FAM117A: variants seen among roughly 807,000 people sequenced by gnomAD.
FAM117A encodes protein FAM117A.
Under a neutral mutation model 44.1 loss-of-function variants are expected in FAM117A, and 21 were observed. That is an observed-to-expected ratio of 0.48 (90% CI 0.34 to 0.69). The LOEUF (loss-of-function observed/expected upper bound fraction) is 0.69. Ranked by LOEUF, FAM117A falls within the 30% of genes least tolerant of loss-of-function variation. The pLI is 0.01. For synonymous variants in FAM117A, 220 were observed against 238.3 expected (o/e 0.92, Z 0.71); for missense variants, 498 against 589.9 (o/e 0.84, Z 1.61).
chr17:49,764,349 A>T (rs1442385448), upstream of FAM117A, among the ~76,000 whole-genome samples: 1 of 152,112 alleles, frequency 6.6e-6, no homozygotes, highest in Non-Finnish European at 1.5e-5. Context: ...CCAACATCCC[A>T]GGGGCTGCTG....
chr17:49,743,736 T>TA (rs989857088), intron 1 of FAM117A, among the ~76,000 whole-genome samples: 26 of 148,592 alleles, frequency 1.7e-4, no homozygotes, highest in Non-Finnish European at 2.4e-4. Context: ...CTCAAAAAAA[T>TA]AAAAAAATAA....
At chr17:49,774,630 T>C (rs992506163) in intron 1 of FAM117A, among the ~76,000 whole-genome samples, 4 of 152,222 alleles carry the variant, frequency 2.6e-5, no homozygotes, top group Non-Finnish European at 5.9e-5. Context: ...AGTGCTGGGA[T>C]TACAGGCGTG....
In FAM117A at chr17:49,763,973, C is replaced by A; in HGVS notation, c.115G>T (p.Ala39Ser). The A allele has an allele frequency of 2.4e-6, 3 of 1,229,694 alleles. No individual in the cohort carries two copies. Among genetic ancestry groups the A allele is most frequent in the Non-Finnish European group, 3.0e-6 (3 of 986,702 alleles). The allele number at this position is 1,229,694 out of a possible 1,614,324, so 76.2% of individuals were successfully genotyped here. Residue 39 changes from alanine to serine, a missense_variant, in exon 1 of 8, where the codon GCT (alanine) becomes TCT (serine). This residue lies in a region of FAM117A where 270 missense variants were observed against 277.4 expected (regional missense o/e 0.97). Transcript: ENST00000240364. The stretch of plus-strand genomic sequence containing the variant: ...GTGGCCCTGAGCGGCTGCAGCCCAG[C>A]CCGGGGGGAGCCGGCGGGGGCTGGG... ...SPPAPAGSPR[A>S]GLQPLRATIP...
chr17:49,754,335 C>T (rs1401391726), intron 1 of FAM117A, among the ~76,000 whole-genome samples: 3 of 151,402 alleles, frequency 2.0e-5, no homozygotes, highest in East Asian at 2.0e-4. Context: ...GATGGAGTCT[C>T]GCTCTGTCAC....
chr17:49,730,261 A>T (rs528036717), intron 2 of FAM117A, among the ~76,000 whole-genome samples: 1 of 152,324 alleles, frequency 6.6e-6, no homozygotes, highest in African/African-American at 2.4e-5. Context: ...GGAAAGAGGA[A>T]AGCTGCATGG....
At position 49,716,149 on chromosome 17, in the gene FAM117A, C is replaced by T; in HGVS notation, c.1061+16G>A. 6.2e-7 allele frequency: 1 copy of T among 1,605,536 alleles called. No individual in the cohort carries two copies. The highest frequency in any genetic ancestry group is 1.1e-5 in the South Asian group (1 of 90,750). On this transcript the variant is annotated intron_variant, in intron 7 of 7. Coordinates refer to ENST00000240364, the MANE Select transcript of FAM117A (RefSeq NM_030802.4). Reference sequence around the variant, plus strand: ...CCACCCTCCCCTCCCACACCCTGTCCACTTGGTGTACTCACGTGGCTTCTT... The same window carrying T: ...CCACCCTCCCCTCCCACACCCTGTCTACTTGGTGTACTCACGTGGCTTCTT...
At chr17:49,781,865 T>C (rs186559164) in intron 1 of FAM117A, among the ~76,000 whole-genome samples, 2 of 152,178 alleles carry the variant, frequency 1.3e-5, no homozygotes, top group Non-Finnish European at 2.9e-5. Flanking sequence ...TAGTCACAGC[T>C]ACTTGGAAGG....
chr17:49,758,630 A>AT (rs2073708586), intron 1 of FAM117A, among the ~76,000 whole-genome samples: 2 of 120,802 alleles, frequency 1.7e-5, no homozygotes, highest in East Asian at 2.1e-4. Context: ...TCAAAAAAAA[A>AT]AAAAAATAAA....
At chr17:49,749,080 C>T (rs138330321) in intron 1 of FAM117A, among the ~76,000 whole-genome samples, 2 of 152,310 alleles carry the variant, frequency 1.3e-5, no homozygotes, top group Non-Finnish European at 2.9e-5. Flanking sequence ...CTGCACTGAA[C>T]CACGCAACCT....
At chr17:49,764,543 G>C (rs894681964), upstream of FAM117A, among the ~76,000 whole-genome samples, 2 of 152,158 alleles carry the variant, frequency 1.3e-5, no homozygotes, top group Non-Finnish European at 2.9e-5. Flanking sequence ...ATAATTTTTG[G>C]GGGCGGGAGT....
At chr17:49,738,007 G>A (rs1257530156) in intron 1 of FAM117A, among the ~76,000 whole-genome samples, 2 of 152,196 alleles carry the variant, frequency 1.3e-5, no homozygotes. Flanking sequence ...TAATGGAGGA[G>A]ATGGCAGGCC....
At chr17:49,774,561 T>C (rs1005179532) in intron 1 of FAM117A, among the ~76,000 whole-genome samples, 1 of 152,078 alleles carries the variant, frequency 6.6e-6, no homozygotes, top group Non-Finnish European at 1.5e-5. Flanking sequence ...GGTTTCACCA[T>C]GTTGGCCAGG....
intron 1 of FAM117A, among the ~76,000 whole-genome samples, chr17:49,787,188 A>T (rs1178260671): frequency 1.3e-5 from 2 of 152,250 alleles, no homozygotes; most frequent in African/African-American, 4.8e-5. Flanking sequence ...GAGCCAGAAC[A>T]TTCAAATGTA....
upstream of FAM117A, among the ~76,000 whole-genome samples, chr17:49,765,224 G>C (rs2073741894): frequency 6.6e-6 from 1 of 152,278 alleles, no homozygotes; most frequent in East Asian, 1.9e-4. Context: ...TCTACATATG[G>C]AAAAAGCAAA....
At chr17:49,755,433 T>G (rs1461663814) in intron 1 of FAM117A, among the ~76,000 whole-genome samples, 2 of 152,212 alleles carry the variant, frequency 1.3e-5, no homozygotes, top group African/African-American at 4.8e-5. Context: ...CAGTTAGCAT[T>G]CATCTTGGTC....
At chr17:49,718,942 A>G (rs1313632747) in intron 5 of FAM117A, among the ~76,000 whole-genome samples, 2 of 135,974 alleles carry the variant, frequency 1.5e-5, no homozygotes, top group Admixed American at 1.6e-4. Flanking sequence ...GCGCCACCGC[A>G]CTCCAGCCTG....
intron 7 of FAM117A, among the ~76,000 whole-genome samples, chr17:49,713,628 T>C (rs2073488319): frequency 6.6e-6 from 1 of 151,952 alleles, no homozygotes; most frequent in African/African-American, 2.4e-5. Flanking sequence ...CACCTAAGCC[T>C]CCTCAGTAGC....
chr17:49,713,515 T>G (rs1246125844), intron 7 of FAM117A, among the ~76,000 whole-genome samples: 3 of 151,978 alleles, frequency 2.0e-5, no homozygotes, highest in Admixed American at 6.6e-5. Context: ...TTGGTTACCA[T>G]CTTTTTTTTT....
intron 1 of FAM117A, among the ~76,000 whole-genome samples, chr17:49,784,605 A>G (rs1434619832): frequency 2.6e-5 from 4 of 152,182 alleles, no homozygotes; most frequent in Non-Finnish European, 4.4e-5. Flanking sequence ...TTTTCTTTGC[A>G]TGGAAAACCC....
Sources: allele counts gnomAD v4.1 joint callset (sites outside exome capture counted in the v4.1 genomes callset), GRCh38; gene constraint gnomAD v4.1.1; regional missense constraint gnomAD v4.1.1; transcripts MANE v1.5; gene names NCBI Gene and HGNC (gene_info 2026-07-23, HGNC 2026-07-21).